The following TIGD4 variants were observed in gnomAD, a reference collection of about 807,000 sequenced individuals.
The protein encoded by TIGD4 is tigger transposable element-derived protein 4.
TIGD4 carries 20 observed loss-of-function variants against 24.9 expected under a neutral mutation model. The ratio of observed to expected loss-of-function variants is 0.80; its 90% CI spans 0.56 to 1.17. The LOEUF (loss-of-function observed/expected upper bound fraction) is 1.17, where lower values mean the gene tolerates loss of function less well. Among genes scored for constraint, TIGD4 ranks in the 50% most tolerant of loss-of-function variants. The pLI is 0.00. For missense variants in TIGD4, 566 were observed against 591.0 expected (o/e 0.96, Z 0.44); for synonymous variants, 193 against 211.0 (o/e 0.91, Z 0.74).
intron 1 of TIGD4, among the ~76,000 whole-genome samples, chr4:152,778,057 A>T (rs1187172355): frequency 2.6e-5 from 4 of 152,008 alleles, no homozygotes; most frequent in African/African-American, 9.7e-5. Context: ...ACCAAGCAGA[A>T]GTTAGCATTA....
At chr4:152,773,151 G>A (rs1238764788) in intron 1 of TIGD4, among the ~76,000 whole-genome samples, 4 of 152,150 alleles carry the variant, frequency 2.6e-5, no homozygotes, top group African/African-American at 4.8e-5. Context: ...CTAATTTGAT[G>A]AGCAGTGTTA....
intron 1 of TIGD4, among the ~76,000 whole-genome samples, 189 bp from the exon 2 acceptor site, chr4:152,771,731 T>A (rs553344027): frequency 8.5e-5 from 13 of 152,352 alleles, no homozygotes; most frequent in African/African-American, 2.9e-4. Flanking sequence ...TCTCTAGTTC[T>A]GTTCTACAGA....
rs79578861 is a variant in TIGD4, at chr4:152,774,060, C to T, written c.-538-2518G>A. On this transcript the variant is annotated intron_variant, in intron 1 of 1. Transcript: ENST00000304337. ...CCTTCCTTCCTCCCTCTCCCAATCCCTCCCTCTCTTCCTCCCTCCCTTCCT... is the reference window on the plus strand; with the variant it reads ...CCTTCCTTCCTCCCTCTCCCAATCCTTCCCTCTCTTCCTCCCTCCCTTCCT... Among the ~76,000 whole-genome samples, 1,013 of 151,294 alleles carry T rather than the reference C, an allele frequency of 6.7e-3. 6 individuals carry two copies. The highest frequency in any genetic ancestry group is 0.012 in the Non-Finnish European group (818 of 67,788).
intron 1 of TIGD4, among the ~76,000 whole-genome samples, chr4:152,776,831 A>G (rs1344069846): frequency 6.6e-6 from 1 of 152,206 alleles, no homozygotes; most frequent in Non-Finnish European, 1.5e-5. Flanking sequence ...AGTATAAAGC[A>G]GACTGAAATG....
At chr4:152,776,546 C>A (rs2149807103) in intron 1 of TIGD4, among the ~76,000 whole-genome samples, 1 of 152,276 alleles carries the variant, frequency 6.6e-6, no homozygotes, top group Non-Finnish European at 1.5e-5. Flanking sequence ...TACCCCTCTG[C>A]AGAGAATCAA....
intron 1 of TIGD4, among the ~76,000 whole-genome samples, chr4:152,778,531 T>TA (rs1446056300): frequency 1.3e-5 from 2 of 152,252 alleles, no homozygotes; most frequent in Admixed American, 1.3e-4. Flanking sequence ...CAATTGAAGT[T>TA]ACAGTTTGAG....
chr4:152,772,705 G>C (rs1325121541), intron 1 of TIGD4, among the ~76,000 whole-genome samples: 1 of 151,800 alleles, frequency 6.6e-6, no homozygotes, highest in African/African-American at 2.4e-5. Context: ...CTCAAAGTAG[G>C]GCTTTTCTTT....
chr4:152,769,959 G>A lies in TIGD4; in HGVS notation c.1046C>T (p.Thr349Ile). Residue 349 changes from threonine to isoleucine, a missense_variant, in exon 2 of 2, where the codon ACA becomes ATA. Physicochemically the swap from Thr to Ile is moderately conservative, Grantham distance 89. Coordinates refer to ENST00000304337, the MANE Select transcript of TIGD4 (RefSeq NM_145720.4). ...ATCAACTGCATCTAGTAGTGAAAAT[G>A]TAAATTCTTTGCTACCTTCAACAGA... ...LSSVEGSKEF[T>I]FSLLDAVDTL... 3.1e-6 allele frequency: 5 copies of A among 1,612,864 alleles called. No individual in the cohort carries two copies. Among genetic ancestry groups the A allele is most frequent in the Non-Finnish European group, 4.2e-6 (5 of 1,179,006 alleles).
At chr4:152,773,361 G>A (rs1023598419) in intron 1 of TIGD4, among the ~76,000 whole-genome samples, 3 of 151,836 alleles carry the variant, frequency 2.0e-5, no homozygotes, top group African/African-American at 4.8e-5. Flanking sequence ...GTGTCATTTC[G>A]AAAAAAGTCT....
Position 152,770,468 on chromosome 4 carries a change from A to C in TIGD4, c.537T>G (p.Val179=). The C allele has an allele frequency of 6.2e-7, 1 of 1,609,084 alleles. No homozygotes were observed. The highest frequency in any genetic ancestry group is 8.5e-7 in the Non-Finnish European group (1 of 1,178,468). The change falls in exon 2 of 2, where the codon GTT becomes GTG. Residue 179 remains valine (V), a synonymous_variant. Transcript: ENST00000304337. ...GCAGCCCAGTCTCTTTTATATTAAAAACATTTTTAGGATGATAATCATTTA... is the reference window on the plus strand; with the variant it reads ...GCAGCCCAGTCTCTTTTATATTAAACACATTTTTAGGATGATAATCATTTA... ...YYLNDYHPKN[V]FNIKETGLLY...
intron 1 of TIGD4, among the ~76,000 whole-genome samples, chr4:152,779,066 GCA>G (rs1435647823): frequency 6.6e-6 from 1 of 152,138 alleles, no homozygotes; most frequent in Non-Finnish European, 1.5e-5. Flanking sequence ...CCACGCTTTC[GCA>G]CCACTGAGCT....
rs1322227171 is a variant in TIGD4, at chr4:152,769,757, A to T, written c.1248T>A (p.Ser416=). The T allele has an allele frequency of 6.2e-7, 1 of 1,613,670 alleles. No homozygotes were observed. The highest frequency in any genetic ancestry group is 1.3e-5 in the African/African-American group (1 of 74,918). ...GAGVEFPEGL[S]IEEYAALDDD... ...CATCCAGGGCAGCATATTCTTCTATAGATAAACCTTCAGGAAATTCTACTC... is the reference window on the plus strand; with the variant it reads ...CATCCAGGGCAGCATATTCTTCTATTGATAAACCTTCAGGAAATTCTACTC... Residue 416 remains serine (S), a synonymous_variant, in exon 2 of 2, where the codon TCT becomes TCA. Transcript: ENST00000304337.
At chr4:152,774,803 G>C (rs1730235694) in intron 1 of TIGD4, among the ~76,000 whole-genome samples, 1 of 152,110 alleles carries the variant, frequency 6.6e-6, no homozygotes, top group African/African-American at 2.4e-5. Context: ...GAGGTAACAG[G>C]TTGTTAGGAG....
At chr4:152,773,642 T>TAAAAAAA (rs71598212) in intron 1 of TIGD4, among the ~76,000 whole-genome samples, 5 of 82,132 alleles carry the variant, frequency 6.1e-5, no homozygotes, top group Non-Finnish European at 6.8e-5. Context: ...TCCAATGCCT[T>TAAAAAAA]AAAAAAAAAA....
chr4:152,772,768 G>C (rs140960114), intron 1 of TIGD4, among the ~76,000 whole-genome samples: 1 of 151,330 alleles, frequency 6.6e-6, no homozygotes, highest in African/African-American at 2.4e-5. Context: ...CTGGTATACA[G>C]TGGCACAATC....
At chr4:152,772,346 T>TA (rs796536772) in intron 1 of TIGD4, among the ~76,000 whole-genome samples, 104 of 144,788 alleles carry the variant, frequency 7.2e-4, no homozygotes, top group Middle Eastern at 3.5e-3. Flanking sequence ...TTTCTATCTG[T>TA]AAAAAAAAAA....
intron 1 of TIGD4, among the ~76,000 whole-genome samples, chr4:152,774,021 T>C (rs1398690955): frequency 6.6e-6 from 1 of 151,966 alleles, no homozygotes; most frequent in Non-Finnish European, 1.5e-5. Flanking sequence ...TTCCCTTTTT[T>C]CTTTCCTTCC....
Position 152,769,621 on chromosome 4 carries a change from A to C in TIGD4, c.1384T>G (p.Ser462Ala). 1 of 1,613,568 alleles carries C rather than the reference A, an allele frequency of 6.2e-7. No individual in the cohort carries two copies. The highest frequency in any genetic ancestry group is 8.5e-7 in the Non-Finnish European group (1 of 1,179,722). ...YTSDEEDDDG[S>A]PGTELPLPSK... Reference sequence around the variant, plus strand: ...GGTAAAGGGAGTTCAGTTCCTGGAGATCCATCATCATCCTCTTCATCAGAA... The same window carrying C: ...GGTAAAGGGAGTTCAGTTCCTGGAGCTCCATCATCATCCTCTTCATCAGAA... Residue 462 changes from serine (S) to alanine (A), a missense_variant, in exon 2 of 2, where the codon TCT becomes GCT. By Grantham distance (99) the Ser-to-Ala change is moderately conservative (BLOSUM62 1). Coordinates refer to ENST00000304337, the MANE Select transcript of TIGD4 (RefSeq NM_145720.4).
At chr4:152,773,968 C>A (rs184649326) in intron 1 of TIGD4, among the ~76,000 whole-genome samples, 272 of 152,032 alleles carry the variant, frequency 1.8e-3, no homozygotes, top group African/African-American at 6.0e-3. Flanking sequence ...CTATGAGAAT[C>A]TCTCAACTTC....
Sources: gnomAD v4.1 joint callset for allele counts (sites outside exome capture counted in the v4.1 genomes callset) on GRCh38, gnomAD v4.1.1 for gene constraint, MANE v1.5 for transcripts, NCBI Gene and HGNC (gene_info 2026-07-23, HGNC 2026-07-21) for gene names.